Variants in DLG5 observed in about 807,000 individuals in gnomAD.
The protein encoded by DLG5 is discs large MAGUK scaffold protein 5.
In DLG5, 48 loss-of-function variants were observed where a neutral mutation model predicts 189.8. That is an observed-to-expected ratio of 0.25 (90% CI 0.20 to 0.32). The LOEUF is 0.32. Among genes scored for constraint, DLG5 ranks in the 10% least tolerant of loss-of-function variants. The probability of loss-of-function intolerance (pLI) is 1.00; values close to 1 mark genes in which losing one functional copy is unlikely to be tolerated. For missense variants in DLG5, 2,160 were observed against 2,544.7 expected (o/e 0.85, Z 3.25); for synonymous variants, 1,016 against 1,054.1 (o/e 0.96, Z 0.70).
chr10:77,829,599 T>C (rs1842805251), intron 11 of DLG5, 69 bp from the exon 12 acceptor site: 1 of 1,495,958 alleles, frequency 6.7e-7, no homozygotes. Flanking sequence ...CCCACAACTC[T>C]CACTCAGGGG....
Position 77,821,684 on chromosome 10 carries a change from C to G in DLG5, c.2800G>C (p.Asp934His), listed in dbSNP as rs370604326. The G allele has an allele frequency of 9.3e-6, 15 of 1,612,672 alleles. No homozygotes were observed. Among genetic ancestry groups the G allele is most frequent in the Non-Finnish European group, 1.2e-5 (14 of 1,179,766 alleles). ...GPCGVGEASL[D>H]KADSEGSNSG... ...TTGGAGCCTTCAGAGTCTGCCTTGT[C>G]CAGGGAGGCCTCCCCAACCCCACAG... Residue 934 changes from aspartate to histidine, a missense_variant, in exon 15 of 32, where the codon GAC becomes CAC. Asp to His is a moderately conservative substitution (Grantham distance 81). This residue lies in a region of DLG5 where 754 missense variants were observed against 746.5 expected (regional missense o/e 1.01). Transcript: ENST00000372391.
intron 5 of DLG5, among the ~76,000 whole-genome samples, chr10:77,851,295 G>A (rs1248688): frequency 0.25 from 38,708 of 152,176 alleles, 5,494 homozygotes; most frequent in Admixed American, 0.39. Flanking sequence ...GTTTGCTCCA[G>A]GAAGCTCCAC....
chr10:77,840,116 G>A (rs186390061), intron 7 of DLG5, among the ~76,000 whole-genome samples: 19 of 152,332 alleles, frequency 1.2e-4, no homozygotes, highest in African/African-American at 4.3e-4. Flanking sequence ...AGGGGCTCAC[G>A]CCTGTAATCC....
At chr10:77,925,628 A>G (rs923531550) in intron 1 of DLG5, among the ~76,000 whole-genome samples, 5 of 152,190 alleles carry the variant, frequency 3.3e-5, no homozygotes, top group Admixed American at 1.3e-4. Flanking sequence ...GGTGCAATGC[A>G]ACTTCCCCAA....
At chr10:77,847,353 T>A (rs1440772326) in intron 5 of DLG5, among the ~76,000 whole-genome samples, 3 of 151,972 alleles carry the variant, frequency 2.0e-5, no homozygotes, top group Non-Finnish European at 2.9e-5. Context: ...TCCGCCTCCC[T>A]GCAACTCCTA....
At chr10:77,826,306 G>C (rs979669634) in intron 13 of DLG5, among the ~76,000 whole-genome samples, 2 of 152,184 alleles carry the variant, frequency 1.3e-5, no homozygotes, top group Non-Finnish European at 2.9e-5. Flanking sequence ...GGAATGACAC[G>C]CAGTTATATG....
At chr10:77,891,400 G>A (rs1055829442) in intron 1 of DLG5, among the ~76,000 whole-genome samples, 1 of 152,168 alleles carries the variant, frequency 6.6e-6, no homozygotes, top group Non-Finnish European at 1.5e-5. Flanking sequence ...TCTCAAGGAT[G>A]AGGCTTTGGT....
chr10:77,792,242 A>G lies in DLG5; in HGVS notation c.*198T>C, dbSNP rs372910799. ...GTTAAAGCACACGTGTGACACGGGC[A>G]GAGTGTGTGGGCCTGGGCCTGGATC... On this transcript the variant is annotated 3_prime_UTR_variant, in exon 32 of 32. Transcript: ENST00000372391. The G allele has an allele frequency of 4.4e-5, 27 of 609,306 alleles. No homozygotes were observed. The East Asian group carries it at 6.3e-4, about 14-fold the overall frequency. The allele number at this position is 609,306 out of a possible 1,614,324, so 37.7% of individuals were successfully genotyped here. A position where few individuals can be genotyped will look rare whatever the true frequency, so the allele number is the denominator to read the frequency against.
intron 30 of DLG5, among the ~76,000 whole-genome samples, chr10:77,794,627 G>A (rs758811808): frequency 6.6e-5 from 10 of 152,248 alleles, no homozygotes; most frequent in Non-Finnish European, 1.2e-4. Flanking sequence ...CCCAAATGGC[G>A]GAGGGGCGCG....
chr10:77,834,046 G>T lies in DLG5; in HGVS notation c.1623-7C>A. ...CAGGTTGTCACACAGTGTCCTGGTG[G>T]AAGGAGCAGAGGACAAGGTCATCTC... On this transcript the variant is annotated splice_region_variant and splice_polypyrimidine_tract_variant and intron_variant, in intron 8 of 31. Transcript: ENST00000372391. 1 of 1,608,094 alleles carries T rather than the reference G, an allele frequency of 6.2e-7. No individual in the cohort carries two copies.
chr10:77,875,684 G>A (rs552751724), intron 1 of DLG5, among the ~76,000 whole-genome samples: 37 of 152,278 alleles, frequency 2.4e-4, no homozygotes, highest in African/African-American at 8.4e-4. Context: ...CTTTGGCAGA[G>A]CCCACCTTCT....
intron 30 of DLG5, 35 bp from the exon 31 acceptor site, chr10:77,794,152 A>G (rs767353705): frequency 2.5e-6 from 4 of 1,579,310 alleles, no homozygotes; most frequent in Non-Finnish European, 3.5e-6. Flanking sequence ...CTGAGCACTG[A>G]GCCTCCTCCA....
intron 1 of DLG5, among the ~76,000 whole-genome samples, chr10:77,919,465 C>A (rs1160751198): frequency 6.6e-6 from 1 of 151,072 alleles, no homozygotes; most frequent in Non-Finnish European, 1.5e-5. Flanking sequence ...CCCGTCAATG[C>A]TCAACCTCTT....
Position 77,926,418 on chromosome 10 carries a change from C to A in DLG5, c.103G>T (p.Ala35Ser). Reference sequence around the variant, plus strand: ...TGCCGCCGCTCGCCGGGACTGAGCGCTCCCGCGGCCTCGAGCAGCCCGAGC... The same window carrying A: ...TGCCGCCGCTCGCCGGGACTGAGCGATCCCGCGGCCTCGAGCAGCCCGAGC... ...AVLGLLEAAG[A>S]LSPGERRQLD... is the part of the protein sequence containing the mutation. Residue 35 changes from alanine (A) to serine (S), a missense_variant, in exon 1 of 32, where the codon GCG becomes TCG. This residue lies in a region of DLG5 where 664 missense variants were observed against 838.5 expected (regional missense o/e 0.79). Coordinates refer to ENST00000372391, the MANE Select transcript of DLG5 (RefSeq NM_004747.4). This position sits in a 1 kb window ranked among gnomAD's most constrained non-coding sequence, Gnocchi z 5.2. 6.3e-7 allele frequency: 1 copy of A among 1,578,176 alleles called. No individual in the cohort carries two copies. The highest frequency in any genetic ancestry group is 2.3e-5 in the East Asian group (1 of 43,026).
Position 77,904,128 on chromosome 10 carries a change from C to G in DLG5, c.304+22089G>C, listed in dbSNP as rs555819016. On this transcript the variant is annotated intron_variant, in intron 1 of 31. Transcript: ENST00000372391. Reference sequence around the variant, plus strand: ...TCCAAGAGTTTGAGGCTGTAGTGCACAATGATCACGCCTATGAATGGCCAC... The same window carrying G: ...TCCAAGAGTTTGAGGCTGTAGTGCAGAATGATCACGCCTATGAATGGCCAC... Among the ~76,000 whole-genome samples, 7 of 152,204 alleles carry G rather than the reference C, an allele frequency of 4.6e-5. No individual in the cohort carries two copies. In the South Asian group the frequency reaches 1.5e-3, roughly 32 times the overall value.
intron 6 of DLG5, among the ~76,000 whole-genome samples, chr10:77,843,105 G>A (rs1843506613): frequency 6.6e-6 from 1 of 152,216 alleles, no homozygotes; most frequent in African/African-American, 2.4e-5. Flanking sequence ...GCACATGACA[G>A]TGACCAAAGA....
At chr10:77,825,238 G>A (rs1460975979) in intron 13 of DLG5, among the ~76,000 whole-genome samples, 2 of 152,148 alleles carry the variant, frequency 1.3e-5, no homozygotes, top group Non-Finnish European at 2.9e-5. Flanking sequence ...CAGCTGCCAG[G>A]GGGCAGGGAT....
chr10:77,867,095 T>C (rs1345868709), intron 2 of DLG5: 1 of 456,714 alleles, frequency 2.2e-6, no homozygotes, highest in Non-Finnish European at 4.4e-6. Flanking sequence ...TCGCAAGGAC[T>C]GAGTCAGCTT....
intron 31 of DLG5, 111 bp downstream of exon 31, chr10:77,793,897 T>G: frequency 1.1e-6 from 1 of 936,898 alleles, no homozygotes; most frequent in Non-Finnish European, 1.7e-6. Flanking sequence ...ATGACAGCAC[T>G]TGGGAGCATG....
Sources: allele counts gnomAD v4.1 joint callset (sites outside exome capture counted in the v4.1 genomes callset), GRCh38; gene constraint gnomAD v4.1.1; regional missense constraint gnomAD v4.1.1; non-coding constraint Gnocchi (gnomAD v3.1); transcripts MANE v1.5; gene names NCBI Gene and HGNC (gene_info 2026-07-23, HGNC 2026-07-21).